The following NUBPL variants were observed in gnomAD, a reference collection of about 807,000 sequenced individuals.
The protein encoded by NUBPL is iron-sulfur cluster transfer protein NUBPL.
NUBPL carries 31 observed loss-of-function variants against 45.7 expected under a neutral mutation model. The observed-to-expected ratio is 0.68, with a 90% CI of 0.51 to 0.92. The LOEUF is 0.92. Among genes scored for constraint, NUBPL ranks in the 40% least tolerant of loss-of-function variants. NUBPL has a pLI of 0.00. For missense variants in NUBPL, 401 were observed against 398.7 expected (o/e 1.01, Z -0.05); for synonymous variants, 144 against 140.9 (o/e 1.02, Z -0.15).
intron 4 of NUBPL, among the ~76,000 whole-genome samples, chr14:31,645,393 A>G (rs1469100260): frequency 6.6e-6 from 1 of 152,168 alleles, no homozygotes; most frequent in Non-Finnish European, 1.5e-5. Context: ...TAGGCAGCAT[A>G]TAGTTGGGTC....
At chr14:31,790,944 AG>A (rs978572739) in intron 7 of NUBPL, among the ~76,000 whole-genome samples, 53 of 152,248 alleles carry the variant, frequency 3.5e-4, no homozygotes, top group African/African-American at 1.3e-3. Context: ...TTTACATTAA[AG>A]GAAGACCAAG....
intron 6 of NUBPL, among the ~76,000 whole-genome samples, chr14:31,711,713 T>C (rs1298653270): frequency 6.6e-6 from 1 of 152,254 alleles, no homozygotes; most frequent in East Asian, 1.9e-4. Context: ...TCTTGCTGAC[T>C]TCAGGAGTGA....
chr14:31,711,349 G>A (rs746323914), intron 6 of NUBPL, among the ~76,000 whole-genome samples: 3 of 152,118 alleles, frequency 2.0e-5, no homozygotes, highest in South Asian at 2.1e-4. Context: ...TGGTTGCCGC[G>A]CTAGTAGCTT....
Position 31,561,496 on chromosome 14 carries a change from C to G in NUBPL, c.57C>G (p.Gly19=). 1 of 1,396,788 alleles carries G rather than the reference C, an allele frequency of 7.2e-7. No homozygotes were observed. The highest frequency in any genetic ancestry group is 1.5e-5 in the African/African-American group (1 of 67,372). The allele number at this position is 1,396,788 out of a possible 1,614,324, so 86.5% of individuals were successfully genotyped here. A position where few individuals can be genotyped will look rare whatever the true frequency, so the allele number is the denominator to read the frequency against. ...GTGGGGTGTCGCTCCGGGCTGGTGG[C>G]GGGGCCACTGCCCCGCTTGGGGGAA... is the stretch of plus-strand genomic sequence containing the variant. The part of the protein sequence containing the change: ...LFGGVSLRAG[G]GATAPLGGSR... Residue 19 remains glycine, a synonymous_variant, in exon 1 of 11, where the codon GGC becomes GGG. Transcript: ENST00000281081.
chr14:31,663,443 A>G (rs1201548900), intron 4 of NUBPL, among the ~76,000 whole-genome samples: 1 of 152,180 alleles, frequency 6.6e-6, no homozygotes, highest in Non-Finnish European at 1.5e-5. Flanking sequence ...GTCTAGTTTC[A>G]GTTTTATGCA....
chr14:31,720,027 C>G (rs893224710), intron 6 of NUBPL, among the ~76,000 whole-genome samples: 1 of 152,126 alleles, frequency 6.6e-6, no homozygotes, highest in Non-Finnish European at 1.5e-5. Context: ...TTACATACAA[C>G]ATTGAGCAGG....
chr14:31,713,682 T>A (rs1373013), intron 6 of NUBPL, among the ~76,000 whole-genome samples: 110,955 of 151,986 alleles, frequency 0.73, 47,010 homozygotes, highest in East Asian at 0.99. Context: ...ATTTTTTTTC[T>A]CTCTTGCTTA....
chr14:31,791,430 A>G lies in NUBPL; in HGVS notation c.607+3557A>G, dbSNP rs151050443. ...AAGGATAAGTAAGTCTATTCCCTAG[A>G]CAAGAGTTCCTTACCTTTTTTGACT... On this transcript the variant is annotated intron_variant, in intron 7 of 10. Transcript: ENST00000281081. Among the ~76,000 whole-genome samples the G allele has an allele frequency of 1.4e-4, 22 of 152,370 alleles. No homozygotes were observed. The East Asian group carries it at 4.2e-3, about 29-fold the overall frequency.
intron 4 of NUBPL, among the ~76,000 whole-genome samples, chr14:31,602,864 TA>T (rs769071733): frequency 3.3e-5 from 5 of 151,946 alleles, no homozygotes; most frequent in Admixed American, 2.0e-4. Flanking sequence ...TTTAAAGTGT[TA>T]AAAAAAACTC....
intron 6 of NUBPL, among the ~76,000 whole-genome samples, chr14:31,684,450 G>A (rs1056701890): frequency 1.3e-5 from 2 of 152,104 alleles, no homozygotes; most frequent in African/African-American, 2.4e-5. Context: ...CACCTGGAAT[G>A]CTTTAACCTG....
chr14:31,638,017 A>G (rs2035559303), intron 4 of NUBPL, among the ~76,000 whole-genome samples: 1 of 152,198 alleles, frequency 6.6e-6, no homozygotes, highest in Non-Finnish European at 1.5e-5. Context: ...AATACAGCAC[A>G]CGGATGGGTC....
chr14:31,623,479 A>C (rs962673352), intron 4 of NUBPL, among the ~76,000 whole-genome samples: 2 of 152,118 alleles, frequency 1.3e-5, no homozygotes, highest in African/African-American at 4.8e-5. Context: ...CCCCACCCAG[A>C]TCTCATGTTG....
At chr14:31,741,270 A>G (rs2038278771) in intron 6 of NUBPL, among the ~76,000 whole-genome samples, 2 of 152,180 alleles carry the variant, frequency 1.3e-5, no homozygotes, top group African/African-American at 2.4e-5. Flanking sequence ...AATATTCTGT[A>G]GTCCTATGAG....
intron 4 of NUBPL, among the ~76,000 whole-genome samples, chr14:31,612,172 C>T (rs1319901170): frequency 6.6e-6 from 1 of 152,188 alleles, no homozygotes; most frequent in African/African-American, 2.4e-5. Context: ...ACACATCTGA[C>T]AAGACATTAA....
chr14:31,561,931 T>C (rs1026133329), intron 1 of NUBPL, 137 bp from the exon 2 acceptor site: 2 of 814,764 alleles, frequency 2.5e-6, no homozygotes, highest in Admixed American at 2.4e-5. Context: ...AGTAGGTAAA[T>C]GTCTCCATAG....
At chr14:31,658,540 T>A (rs1424061181) in intron 4 of NUBPL, among the ~76,000 whole-genome samples, 1 of 150,298 alleles carries the variant, frequency 6.7e-6, no homozygotes, top group Non-Finnish European at 1.5e-5. Context: ...TGAAAGGGAG[T>A]CTCACTCTGT....
chr14:31,642,833 A>G (rs906192078), intron 4 of NUBPL, among the ~76,000 whole-genome samples: 2 of 152,024 alleles, frequency 1.3e-5, no homozygotes, highest in Non-Finnish European at 2.9e-5. Context: ...AGTTTCTTTC[A>G]TCAGTGTTTT....
chr14:31,699,468 A>C (rs1365458309), intron 6 of NUBPL, among the ~76,000 whole-genome samples: 1 of 152,192 alleles, frequency 6.6e-6, no homozygotes, highest in Non-Finnish European at 1.5e-5. Context: ...TATTTTTACA[A>C]ATGATGAAAC....
chr14:31,668,548 T>G (rs2036493842), intron 4 of NUBPL, among the ~76,000 whole-genome samples: 1 of 152,156 alleles, frequency 6.6e-6, no homozygotes, highest in Non-Finnish European at 1.5e-5. Flanking sequence ...TTCAGCCCCT[T>G]TTCAGGGGAG....
Sources: allele counts gnomAD v4.1 joint callset (sites outside exome capture counted in the v4.1 genomes callset), GRCh38; gene constraint gnomAD v4.1.1; transcripts MANE v1.5; gene names NCBI Gene and HGNC (gene_info 2026-07-23, HGNC 2026-07-21).